Variants in CHST9 observed in about 807,000 individuals in gnomAD.
The protein encoded by CHST9 is carbohydrate sulfotransferase 9.
CHST9 carries 41 observed loss-of-function variants against 44.4 expected under a neutral mutation model. The observed-to-expected ratio is 0.92, with a 90% CI of 0.72 to 1.20. The LOEUF is 1.20. Among genes scored for constraint, CHST9 ranks in the 50% most tolerant of loss-of-function variants. The pLI is 0.00. For synonymous variants in CHST9, 171 were observed against 178.4 expected, an observed-to-expected ratio of 0.96 and a Z score of 0.33; for missense variants, 504 against 516.5, an observed-to-expected ratio of 0.98 and a Z score of 0.23.
At position 27,032,273 on chromosome 18, in the gene CHST9, T is replaced by A. The variant is rs192281152; in HGVS notation, c.161-8116A>T. On this transcript the variant is annotated intron_variant, in intron 3 of 5. Coordinates refer to ENST00000618847, the MANE Select transcript of CHST9 (RefSeq NM_031422.6). The stretch of plus-strand genomic sequence containing the variant: ...AAGCCTTAGAGGTCCAGAGATGGAG[T>A]TTAGCAGTAGAAACAAGAGCAAACC... Among the ~76,000 whole-genome samples, 902 of 152,040 alleles carry A rather than the reference T, an allele frequency of 5.9e-3. 9 individuals are homozygous for A. The highest frequency in any genetic ancestry group is 0.019 in the African/African-American group (789 of 41,452).
chr18:27,154,317 C>A (rs975637166), intron 1 of CHST9, among the ~76,000 whole-genome samples: 3 of 151,744 alleles, frequency 2.0e-5, no homozygotes, highest in African/African-American at 7.3e-5. Context: ...TCTTTTCAGA[C>A]AAGAAATATC....
intron 2 of CHST9, among the ~76,000 whole-genome samples, chr18:27,100,851 A>C (rs751359200): frequency 1.5e-4 from 23 of 152,226 alleles, no homozygotes; most frequent in Admixed American, 7.9e-4. Flanking sequence ...GGAAGAACTT[A>C]CAGCATGTAA....
intron 2 of CHST9, among the ~76,000 whole-genome samples, chr18:27,135,406 T>C (rs2058505496): frequency 6.6e-6 from 1 of 152,220 alleles, no homozygotes; most frequent in Non-Finnish European, 1.5e-5. Flanking sequence ...TTTTTATAAC[T>C]TGAAGCCTGT....
chr18:27,018,856 C>T (rs2057186082), intron 4 of CHST9, among the ~76,000 whole-genome samples: 1 of 152,112 alleles, frequency 6.6e-6, no homozygotes, highest in African/African-American at 2.4e-5. Context: ...GAGAATGGGC[C>T]TGCCAGATAT....
intron 2 of CHST9, among the ~76,000 whole-genome samples, chr18:27,053,136 A>G (rs868339903): frequency 1.3e-3 from 120 of 92,114 alleles, no homozygotes; most frequent in African/African-American, 5.4e-3. Context: ...AAGAGGAAGA[A>G]GAAGAAGAAG....
At chr18:27,013,579 G>A (rs964007) in intron 4 of CHST9, among the ~76,000 whole-genome samples, 98,434 of 152,008 alleles carry the variant, frequency 0.65, 32,332 homozygotes, top group African/African-American at 0.75. Context: ...TCAAGAAAGG[G>A]CTCCTTGACT....
chr18:27,064,564 T>G (rs955373144), intron 2 of CHST9, among the ~76,000 whole-genome samples: 4 of 152,238 alleles, frequency 2.6e-5, no homozygotes, highest in Non-Finnish European at 5.9e-5. Flanking sequence ...GAACTATTCA[T>G]TTAAAGAATC....
At chr18:27,061,223 C>T (rs766817254) in intron 2 of CHST9, among the ~76,000 whole-genome samples, 6 of 152,296 alleles carry the variant, frequency 3.9e-5, no homozygotes, top group Admixed American at 2.0e-4. Context: ...TAATGCACCA[C>T]GGGACCACCC....
chr18:27,091,536 G>A (rs949419697), intron 2 of CHST9, among the ~76,000 whole-genome samples: 2 of 152,152 alleles, frequency 1.3e-5, no homozygotes. Context: ...TTTTCAAAGG[G>A]AATGCTTCCA....
intron 1 of CHST9, among the ~76,000 whole-genome samples, chr18:27,168,640 AAGT>A: frequency 6.6e-6 from 1 of 152,316 alleles, no homozygotes; most frequent in South Asian, 2.1e-4. Flanking sequence ...TGAGAAAACC[AAGT>A]AAGAGGTATC....
chr18:27,050,477 A>G (rs943328566), intron 2 of CHST9, among the ~76,000 whole-genome samples: 41 of 152,176 alleles, frequency 2.7e-4, no homozygotes, highest in Admixed American at 2.0e-4. Context: ...TTGAAGCTAC[A>G]TGTAAACTTT....
intron 2 of CHST9, among the ~76,000 whole-genome samples, chr18:27,112,757 AAT>A (rs2058283797): frequency 6.6e-6 from 1 of 152,092 alleles, no homozygotes; most frequent in Non-Finnish European, 1.5e-5. Context: ...AAGCAAAAAA[AAT>A]AAAAATAAAA....
intron 1 of CHST9, among the ~76,000 whole-genome samples, chr18:27,153,740 T>C (rs2058677641): frequency 6.6e-6 from 1 of 152,274 alleles, no homozygotes; most frequent in South Asian, 2.1e-4. Context: ...TTCTGGGTGT[T>C]AGAATGTGGA....
chr18:26,941,867 A>G (rs1200700635), intron 5 of CHST9, among the ~76,000 whole-genome samples: 1 of 152,222 alleles, frequency 6.6e-6, no homozygotes, highest in Non-Finnish European at 1.5e-5. Flanking sequence ...CCGTGGGCTA[A>G]AAGCACAGGC....
chr18:26,961,184 TG>T (rs1568110510), intron 4 of CHST9, among the ~76,000 whole-genome samples: 1 of 152,200 alleles, frequency 6.6e-6, no homozygotes, highest in Non-Finnish European at 1.5e-5. Flanking sequence ...CTGCTTTCAG[TG>T]TCCAGCTTGG....
chr18:26,916,169 T>A lies in CHST9; in HGVS notation c.*90A>T. On this transcript the variant is annotated 3_prime_UTR_variant, in exon 6 of 6. Transcript: ENST00000618847. ...TCAAGACAACTGCACTTGGTTAAAT[T>A]TCTGTCATACAGAGAATTATAGAAA... The A allele has an allele frequency of 1.9e-6, 2 of 1,075,576 alleles. No homozygotes were observed. The highest frequency in any genetic ancestry group is 2.7e-6 in the Non-Finnish European group (2 of 744,282). The allele number at this position is 1,075,576 out of a possible 1,614,324, so 66.6% of individuals were successfully genotyped here.
chr18:27,158,376 T>A (rs2058715392), intron 1 of CHST9, among the ~76,000 whole-genome samples: 1 of 151,938 alleles, frequency 6.6e-6, no homozygotes. Context: ...GTCCTTGTGA[T>A]AGTTTGCTGA....
At chr18:27,064,652 A>C (rs2057761867) in intron 2 of CHST9, among the ~76,000 whole-genome samples, 1 of 152,230 alleles carries the variant, frequency 6.6e-6, no homozygotes. Flanking sequence ...AGAAATGTGG[A>C]GTATACAGGT....
chr18:27,061,367 A>G (rs1336207634), intron 2 of CHST9, among the ~76,000 whole-genome samples: 1 of 152,264 alleles, frequency 6.6e-6, no homozygotes, highest in Non-Finnish European at 1.5e-5. Context: ...TAGGAATAAA[A>G]TCTAAAGGAA....
Sources: allele counts gnomAD v4.1 joint callset (sites outside exome capture counted in the v4.1 genomes callset), GRCh38; gene constraint gnomAD v4.1.1; transcripts MANE v1.5; gene names NCBI Gene and HGNC (gene_info 2026-07-23, HGNC 2026-07-21).